The following PSAP variants were observed in gnomAD, a reference collection of about 807,000 sequenced individuals.
PSAP encodes the protein precursor of saposins.
A neutral mutation model predicts 66.0 loss-of-function variants in PSAP; 25 were observed. The ratio of observed to expected loss-of-function variants is 0.38; its 90% CI spans 0.28 to 0.53. PSAP has a LOEUF of 0.53. Among genes scored for constraint, PSAP ranks in the 20% least tolerant of loss-of-function variants. PSAP has a pLI of 0.83. For synonymous variants in PSAP, 273 were observed against 258.9 expected (o/e 1.05, Z -0.52); for missense variants, 649 against 668.8 (o/e 0.97, Z 0.33).
chr10:71,851,116 G>T (rs965337442), intron 1 of PSAP, 66 bp downstream of exon 1: 3 of 1,527,740 alleles, frequency 2.0e-6, no homozygotes. Context: ...GCCCGGCACA[G>T]CCCATTCTGG....
chr10:71,842,060 T>C (rs1842742134), intron 1 of PSAP, among the ~76,000 whole-genome samples: 2 of 151,464 alleles, frequency 1.3e-5, no homozygotes, highest in South Asian at 4.2e-4. Context: ...ATAATTTCTG[T>C]AGTTTCTGCA....
chr10:71,818,198 G>C (rs1842213809), intron 13 of PSAP, among the ~76,000 whole-genome samples: 4 of 152,202 alleles, frequency 2.6e-5, no homozygotes, highest in Admixed American at 2.6e-4. Flanking sequence ...CAGTTCTCAG[G>C]GCCTTGAGTG....
In PSAP at chr10:71,828,177, G is replaced by A; in HGVS notation, c.577-20C>T. 2 of 1,614,078 alleles carry A rather than the reference G, an allele frequency of 1.2e-6. No homozygotes were observed. Among genetic ancestry groups the A allele is most frequent in the Non-Finnish European group, 1.7e-6 (2 of 1,179,970 alleles). ...ATTATCCTACAGAAGAGGCAGTTAGGTTTGCAACTTAAGAGGACTCAAATT... is the reference window on the plus strand; with the variant it reads ...ATTATCCTACAGAAGAGGCAGTTAGATTTGCAACTTAAGAGGACTCAAATT... On this transcript the variant is annotated intron_variant, in intron 5 of 13. Coordinates refer to ENST00000394936, the MANE Select transcript of PSAP (RefSeq NM_002778.4).
intron 1 of PSAP, among the ~76,000 whole-genome samples, chr10:71,834,976 C>A (rs7072424): frequency 6.6e-6 from 1 of 152,046 alleles, no homozygotes; most frequent in African/African-American, 2.4e-5. Context: ...GTGGCTCACG[C>A]CTATAATCCC....
chr10:71,831,150 G>T lies in PSAP; in HGVS notation c.351C>A (p.Ile117=), dbSNP rs1411937746. The change falls in exon 4 of 14, where the codon ATC becomes ATA. Residue 117 remains isoleucine, a synonymous_variant. Transcript: ENST00000394936. ...CCATTTCTCCTTTAATGATGTCCAG[G>T]ATGACAGGGAGGTAGGAGTCCACTA... ...KEIVDSYLPV[I]LDIIKGEMSR... is the part of the protein sequence containing the mutation. 6 of 1,613,984 alleles carry T rather than the reference G, an allele frequency of 3.7e-6. No individual in the cohort carries two copies. The highest frequency in any genetic ancestry group is 3.3e-5 in the Admixed American group (2 of 59,994).
chr10:71,825,421 G>A (rs1481195672), intron 7 of PSAP, among the ~76,000 whole-genome samples: 2 of 152,222 alleles, frequency 1.3e-5, no homozygotes, highest in South Asian at 2.1e-4. Flanking sequence ...CAGCTTCAGC[G>A]GACGCTGCTG....
At chr10:71,842,389 T>C (rs554105758) in intron 1 of PSAP, among the ~76,000 whole-genome samples, 3 of 152,228 alleles carry the variant, frequency 2.0e-5, no homozygotes, top group African/African-American at 7.2e-5. Flanking sequence ...ATATATATGT[T>C]AACATGTAAT....
At chr10:71,848,043 A>G (rs1842853592) in intron 1 of PSAP, among the ~76,000 whole-genome samples, 2 of 152,162 alleles carry the variant, frequency 1.3e-5, no homozygotes, top group Non-Finnish European at 2.9e-5. Context: ...CATGCCTTAC[A>G]CCTAGCTGAT....
At chr10:71,834,305 G>A in intron 2 of PSAP, 67 bp downstream of exon 2, 1 of 1,607,532 alleles carries the variant, frequency 6.2e-7, no homozygotes, top group Admixed American at 1.7e-5. Context: ...ATGGCAGTGA[G>A]TTACAGCTGT....
chr10:71,835,481 A>G (rs560379139), intron 1 of PSAP, among the ~76,000 whole-genome samples: 1 of 151,944 alleles, frequency 6.6e-6, no homozygotes, highest in Non-Finnish European at 1.5e-5. Context: ...CTGAGGTGGG[A>G]GGATAGCTTG....
rs1047459523 is a variant in PSAP at position 71,837,737 on chromosome 10, C to T, written c.41-3232G>A. Among the ~76,000 whole-genome samples, 7 of 152,208 alleles carry T rather than the reference C, an allele frequency of 4.6e-5. No individual in the cohort carries two copies. In the South Asian group the frequency reaches 8.3e-4, roughly 18 times the overall value. On this transcript the variant is annotated intron_variant, in intron 1 of 13. Coordinates refer to ENST00000394936, the MANE Select transcript of PSAP (RefSeq NM_002778.4). ...AATGGGAGCGGCAAGGCAATGCTAA[C>T]GGAGCCTTCCTCAAAACGAAATTGG...
chr10:71,829,253 T>C (rs2133045340), intron 4 of PSAP, among the ~76,000 whole-genome samples, 176 bp from the exon 5 acceptor site: 1 of 152,188 alleles, frequency 6.6e-6, no homozygotes, highest in Admixed American at 6.5e-5. Flanking sequence ...CCAATCCGAG[T>C]GCCTAACCAC....
At chr10:71,836,676 G>A (rs978285614) in intron 1 of PSAP, among the ~76,000 whole-genome samples, 2 of 152,092 alleles carry the variant, frequency 1.3e-5, no homozygotes, top group African/African-American at 4.8e-5. Context: ...CCAAAAGCAG[G>A]GGCAAGTGAC....
At chr10:71,820,112 G>C in intron 9 of PSAP, 128 bp downstream of exon 9, 1 of 990,504 alleles carries the variant, frequency 1.0e-6, no homozygotes, top group Non-Finnish European at 1.6e-6. Flanking sequence ...TGCCTTCCAC[G>C]AGATGGGGAC....
intron 4 of PSAP, 58 bp downstream of exon 4, chr10:71,831,068 C>A: frequency 2.5e-6 from 4 of 1,609,456 alleles, no homozygotes; most frequent in Middle Eastern, 1.7e-4. Context: ...CTCTGGGCCA[C>A]TGCCTCTCCT....
At chr10:71,829,778 C>T (rs1480542552) in intron 4 of PSAP, among the ~76,000 whole-genome samples, 1 of 152,020 alleles carries the variant, frequency 6.6e-6, no homozygotes, top group Non-Finnish European at 1.5e-5. Flanking sequence ...GCGGGCGGAT[C>T]GCCTGAGGTC....
In PSAP at chr10:71,816,657, C is replaced by T. The variant is rs1051826763; in HGVS notation, c.*784G>A. The T allele has an allele frequency of 8.5e-6, 3 of 354,080 alleles. No homozygotes were observed. The highest frequency in any genetic ancestry group is 2.1e-5 in the South Asian group (1 of 48,392). 21.9% of individuals were successfully genotyped at this position (354,080 alleles called of 1,614,324 possible). ...GCCAGGGACATGTAGGCAACACGAGCAGGCACAGCGCGGCCACCACTGTCC... is the reference window on the plus strand; with the variant it reads ...GCCAGGGACATGTAGGCAACACGAGTAGGCACAGCGCGGCCACCACTGTCC... On this transcript the variant is annotated 3_prime_UTR_variant, in exon 14 of 14. Transcript: ENST00000394936.
rs949479521 is a variant in PSAP, at chr10:71,821,630, C to A, written c.909+246G>T. On this transcript the variant is annotated intron_variant, in intron 8 of 13. Transcript: ENST00000394936. ...CTTTGAATGGCATGCTGAAAATACACAGGCTAATGATCCCACGAACATTAG... is the reference window on the plus strand; with the variant it reads ...CTTTGAATGGCATGCTGAAAATACAAAGGCTAATGATCCCACGAACATTAG... Among the ~76,000 whole-genome samples the A allele has an allele frequency of 1.2e-4, 18 of 152,178 alleles. No homozygotes were observed. The East Asian group carries it at 3.3e-3, about 28-fold the overall frequency.
chr10:71,830,364 A>G lies in PSAP; in HGVS notation c.375+762T>C, dbSNP rs145519044. Among the ~76,000 whole-genome samples, 43 of 152,310 alleles carry G rather than the reference A, an allele frequency of 2.8e-4. No homozygotes were observed. In the East Asian group the frequency reaches 7.7e-3, roughly 27 times the overall value. On this transcript the variant is annotated intron_variant, in intron 4 of 13. Transcript: ENST00000394936. ...CTGCCATTTCCACTGTCCACATCAC[A>G]TCTCACTCACAAAGCAATGACCTCC...
Sources: allele counts gnomAD v4.1 joint callset (sites outside exome capture counted in the v4.1 genomes callset), GRCh38; gene constraint gnomAD v4.1.1; transcripts MANE v1.5; gene names NCBI Gene and HGNC (gene_info 2026-07-23, HGNC 2026-07-21).